Variants in ERI1 observed in about 807,000 individuals in gnomAD.
ERI1 encodes exoribonuclease 1, also known as 3'-5' exoribonuclease 1.
In ERI1, 39 loss-of-function variants were observed where a neutral mutation model predicts 39.7. The ratio of observed to expected loss-of-function variants is 0.98; its 90% confidence interval spans 0.76 to 1.28. The LOEUF (loss-of-function observed/expected upper bound fraction) is 1.28, where lower values mean the gene tolerates loss of function less well. Ranked by LOEUF, ERI1 falls within the 50% of genes most tolerant of loss-of-function variation. The probability of loss-of-function intolerance (pLI) is 0.00; values close to 1 mark genes in which losing one functional copy is unlikely to be tolerated. For synonymous variants in ERI1, 204 were observed against 149.6 expected, an observed-to-expected ratio of 1.36 and a Z score of -2.65; for missense variants, 581 against 416.9, an observed-to-expected ratio of 1.39 and a Z score of -3.43.
chr8:9,077,343 T>G (rs1799240128), intron 3 of ERI1, among the ~76,000 whole-genome samples: 1 of 152,196 alleles, frequency 6.6e-6, no homozygotes, highest in Non-Finnish European at 1.5e-5. Flanking sequence ...GGAACTTTCC[T>G]TTTACCTTCT....
At chr8:9,037,621 G>T (rs1480561957), downstream of ERI1, among the ~76,000 whole-genome samples, 2 of 151,952 alleles carry the variant, frequency 1.3e-5, no homozygotes, top group Admixed American at 6.6e-5. Context: ...ATGGTAAAAT[G>T]TATCTTGTAA....
intron 1 of ERI1, 115 bp from the exon 2 acceptor site, chr8:9,007,855 A>C (rs758997576): frequency 1.2e-5 from 17 of 1,424,646 alleles, no homozygotes; most frequent in Non-Finnish European, 1.5e-5. Flanking sequence ...TTCATTGAAC[A>C]TGTAGCATGA....
At chr8:9,004,230 T>C (rs1815710768) in intron 1 of ERI1, 1 of 1,249,144 alleles carries the variant, frequency 8.0e-7, no homozygotes, top group Non-Finnish European at 1.0e-6. Flanking sequence ...ACATCCCTTC[T>C]CTTGTAAAGA....
At chr8:9,034,300 G>C (rs1310380017), downstream of ERI1, among the ~76,000 whole-genome samples, 2 of 152,230 alleles carry the variant, frequency 1.3e-5, 1 homozygote, top group Non-Finnish European at 2.9e-5. Context: ...GGAGCCACAA[G>C]GCATGCTTCA....
At chr8:9,041,396 C>T (rs909666476) in intron 3 of ERI1, among the ~76,000 whole-genome samples, 6 of 152,126 alleles carry the variant, frequency 3.9e-5, no homozygotes, top group East Asian at 1.9e-4. Context: ...CTCTTCTCAT[C>T]GGCACATGGA....
At chr8:9,049,637 G>A (rs1798294580) in intron 3 of ERI1, among the ~76,000 whole-genome samples, 1 of 152,064 alleles carries the variant, frequency 6.6e-6, no homozygotes, top group South Asian at 2.1e-4. Flanking sequence ...ACTTAAAGGA[G>A]TTAAACAACT....
At position 9,030,135 on chromosome 8, in the gene ERI1, A is replaced by C. The variant is rs1174599625; in HGVS notation, c.*101A>C. On this transcript the variant is annotated 3_prime_UTR_variant, in exon 7 of 7. Transcript: ENST00000250263. ...CTGTAGTGCAAACTTTAAGCACCTT[A>C]AAACATTTAAAATCTTATTACAGGT... 3.5e-6 allele frequency: 5 copies of C among 1,423,214 alleles called. No individual in the cohort carries two copies. The highest frequency in any genetic ancestry group is 2.9e-6 in the Non-Finnish European group (3 of 1,045,102). 88.2% of individuals were successfully genotyped at this position (1,423,214 alleles called of 1,614,324 possible).
chr8:9,035,680 C>G (rs1028863561), downstream of ERI1, among the ~76,000 whole-genome samples: 11 of 152,194 alleles, frequency 7.2e-5, no homozygotes, highest in African/African-American at 2.7e-4. Flanking sequence ...AACACAATAT[C>G]CATTCCACAG....
intron 6 of ERI1, among the ~76,000 whole-genome samples, chr8:9,024,680 C>T (rs1818285688): frequency 6.6e-6 from 1 of 152,132 alleles, no homozygotes; most frequent in Non-Finnish European, 1.5e-5. Flanking sequence ...CCCCCTCGGC[C>T]TCCTAAAGTG....
intron 3 of ERI1, among the ~76,000 whole-genome samples, chr8:9,060,070 A>G (rs71514527): frequency 0.16 from 24,879 of 152,160 alleles, 2,370 homozygotes; most frequent in African/African-American, 0.25. Flanking sequence ...TGAGCTTGGT[A>G]AGATGTGTCT....
chr8:9,065,914 C>T (rs1192451619), intron 3 of ERI1, among the ~76,000 whole-genome samples: 1 of 152,002 alleles, frequency 6.6e-6, no homozygotes, highest in Admixed American at 6.5e-5. Context: ...GTGGCGCTGT[C>T]GGCAGTGGCT....
chr8:9,088,931 C>T (rs1196458756), intron 3 of ERI1, among the ~76,000 whole-genome samples: 1 of 152,222 alleles, frequency 6.6e-6, no homozygotes. Context: ...TCCTCCTACC[C>T]TGGAGAGCAG....
chr8:9,024,744 C>T (rs780304494), intron 6 of ERI1, among the ~76,000 whole-genome samples: 7 of 151,932 alleles, frequency 4.6e-5, no homozygotes, highest in Non-Finnish European at 7.4e-5. Context: ...TTTTATAGGC[C>T]TATGTATATG....
Position 9,029,804 on chromosome 8 carries a change from C to G in ERI1, c.820C>G (p.Gln274Glu), listed in dbSNP as rs1797455864. The change falls in exon 7 of 7, where the codon CAA (glutamine) becomes GAA (glutamate). Residue 274 changes from glutamine to glutamate, a missense_variant. By Grantham distance (29) the Gln-to-Glu change is conservative. Transcript: ENST00000250263. Reference sequence around the variant, plus strand: ...GTTTATTTTTCAGGTTCCTAGAAGCCAAACCAAACTGACAATAATGCTTGA... The same window carrying G: ...GTTTATTTTTCAGGTTCCTAGAAGCGAAACCAAACTGACAATAATGCTTGA... ...YGNFYKVPRS[Q>E]TKLTIMLEKL... The G allele has an allele frequency of 6.2e-7, 1 of 1,614,044 alleles. No individual in the cohort carries two copies. Among genetic ancestry groups the G allele is most frequent in the Non-Finnish European group, 8.5e-7 (1 of 1,179,994 alleles).
intron 4 of ERI1, among the ~76,000 whole-genome samples, chr8:9,017,928 C>A (rs551169648): frequency 1.3e-5 from 2 of 152,174 alleles, no homozygotes; most frequent in South Asian, 4.2e-4. Flanking sequence ...AATTGTGAGA[C>A]CTGAGATGGG....
rs1379116510 is a variant in ERI1, at chr8:9,031,450, T to G, written c.*1416T>G. The stretch of plus-strand genomic sequence containing the variant: ...TGTTCCTAGATGAACTGTTACAGAT[T>G]ATAGTAAAATAAGGAAATCTAAGTG... On this transcript the variant is annotated 3_prime_UTR_variant, in exon 7 of 7. Transcript: ENST00000250263. 2 of 152,170 alleles carry G rather than the reference T, an allele frequency of 1.3e-5. No homozygotes were observed. Among genetic ancestry groups the G allele is most frequent in the African/African-American group, 4.8e-5 (2 of 41,438 alleles). The allele number at this position is 152,170 out of a possible 1,614,324, so 9.4% of individuals were successfully genotyped here.
At chr8:9,016,472 CA>C in intron 4 of ERI1, 67 bp downstream of exon 4, 1 of 952,730 alleles carries the variant, frequency 1.0e-6, no homozygotes, top group South Asian at 1.8e-5. Flanking sequence ...TTATTTTATA[CA>C]TAATTTAAAA....
At chr8:9,048,831 A>G (rs556673565) in intron 3 of ERI1, among the ~76,000 whole-genome samples, 37 of 151,952 alleles carry the variant, frequency 2.4e-4, no homozygotes, top group African/African-American at 8.7e-4. Flanking sequence ...TTTTTAGTGG[A>G]GATGGGGTCT....
At chr8:9,006,033 CAT>C (rs1293041106) in intron 1 of ERI1, among the ~76,000 whole-genome samples, 6 of 152,314 alleles carry the variant, frequency 3.9e-5, no homozygotes, top group Non-Finnish European at 5.9e-5. Flanking sequence ...TTATATGTGA[CAT>C]GTGATAGGTG....
Sources: gnomAD v4.1 joint callset for allele counts (sites outside exome capture counted in the v4.1 genomes callset) on GRCh38, gnomAD v4.1.1 for gene constraint, MANE v1.5 for transcripts, NCBI Gene and HGNC (gene_info 2026-07-23, HGNC 2026-07-21) for gene names.